HRH1: variants seen among roughly 807,000 people sequenced by gnomAD.
The protein encoded by HRH1 is histamine receptor H1.
In HRH1, 6 loss-of-function variants were observed where a neutral mutation model predicts 10.3. The ratio of observed to expected loss-of-function variants is 0.58; its 90% CI spans 0.32 to 1.15. The LOEUF (loss-of-function observed/expected upper bound fraction) is 1.15, where lower values mean the gene tolerates loss of function less well. Ranked by LOEUF, HRH1 falls within the 50% of genes most tolerant of loss-of-function variation. HRH1 has a pLI of 0.05. For synonymous variants in HRH1, 242 were observed against 236.7 expected (o/e 1.02, Z -0.21); for missense variants, 514 against 615.3 (o/e 0.84, Z 1.74).
chr3:11,175,988 G>C (rs1037235456), intron 1 of HRH1, among the ~76,000 whole-genome samples: 8 of 151,620 alleles, frequency 5.3e-5, no homozygotes, highest in Non-Finnish European at 8.8e-5. Flanking sequence ...GCAAAACCCT[G>C]TCTCTCCAAA....
At chr3:11,182,068 C>T (rs564143203) in intron 1 of HRH1, among the ~76,000 whole-genome samples, 9 of 152,010 alleles carry the variant, frequency 5.9e-5, no homozygotes, top group Admixed American at 3.3e-4. Context: ...CTGCAACCTC[C>T]GCCTCCCTGG....
chr3:11,174,160 G>A (rs1937205615), intron 1 of HRH1, among the ~76,000 whole-genome samples: 1 of 152,204 alleles, frequency 6.6e-6, no homozygotes, highest in South Asian at 2.1e-4. Flanking sequence ...CAATCAATAT[G>A]TACCACATTG....
chr3:11,228,284 C>A (rs981523652), intron 1 of HRH1, among the ~76,000 whole-genome samples: 5 of 151,998 alleles, frequency 3.3e-5, no homozygotes, highest in African/African-American at 1.2e-4. Context: ...TTTAGGAGGC[C>A]AAGGCAGAAT....
At position 11,259,676 on chromosome 3, in the gene HRH1, C is replaced by G. The variant is rs201575633; in HGVS notation, c.639C>G (p.Ile213Met). ...TCATGCTCTGGTTCTATGCCAAGAT[C>G]TACAAGGCCGTACGACAACACTGCC... ...TLLMLWFYAKIYKAVRQHCQH... is the reference protein window; with the variant it reads ...TLLMLWFYAKMYKAVRQHCQH... The change falls in exon 2 of 2, where the codon ATC becomes ATG. Residue 213 changes from isoleucine (I) to methionine (M), a missense_variant. Transcript: ENST00000431010. The surrounding 1 kb of genome is among the most constrained non-coding windows in gnomAD (Gnocchi z 4.6). 7 of 1,614,148 alleles carry G rather than the reference C, an allele frequency of 4.3e-6. No individual in the cohort carries two copies. The Admixed American group carries it at 8.3e-5, about 19-fold the overall frequency.
intron 1 of HRH1, among the ~76,000 whole-genome samples, chr3:11,205,096 G>T (rs1938068231): frequency 1.3e-5 from 2 of 152,218 alleles, no homozygotes; most frequent in Admixed American, 1.3e-4. Flanking sequence ...AATTTCGCCA[G>T]TGACACAGGA....
chr3:11,231,540 T>C (rs1261793568), intron 1 of HRH1, among the ~76,000 whole-genome samples: 1 of 152,262 alleles, frequency 6.6e-6, no homozygotes, highest in East Asian at 1.9e-4. Context: ...CTGATGGCTG[T>C]GCAGTGATAT....
intron 1 of HRH1, among the ~76,000 whole-genome samples, chr3:11,207,530 C>T (rs1360536269): frequency 1.3e-5 from 2 of 152,070 alleles, no homozygotes; most frequent in African/African-American, 4.8e-5. Context: ...GATCATGCCA[C>T]TGCACTCCAG....
rs1471462494 is a variant in HRH1, at chr3:11,261,893, A to G, written c.*1392A>G. 6.0e-6 allele frequency: 1 copy of G among 167,092 alleles called. No individual in the cohort carries two copies. The highest frequency in any genetic ancestry group is 1.5e-5 in the Non-Finnish European group (1 of 68,120). The allele number at this position is 167,092 out of a possible 1,614,324, so 10.4% of individuals were successfully genotyped here. A position where few individuals can be genotyped will look rare whatever the true frequency, so the allele number is the denominator to read the frequency against. ...CCCTCTTAAGTGTGCACAGATACAC[A>G]TACACGGTATTCCCAAGAGTGGTGG... On this transcript the variant is annotated 3_prime_UTR_variant, in exon 2 of 2. Transcript: ENST00000431010.
chr3:11,152,353 A>C (rs562992460), upstream of HRH1, among the ~76,000 whole-genome samples: 1 of 152,064 alleles, frequency 6.6e-6, no homozygotes, highest in Non-Finnish European at 1.5e-5. Flanking sequence ...GTACCTCCTG[A>C]TCTGTCAGTT....
intron 1 of HRH1, among the ~76,000 whole-genome samples, chr3:11,159,203 G>A (rs1936878028): frequency 6.6e-6 from 1 of 152,166 alleles, no homozygotes; most frequent in Non-Finnish European, 1.5e-5. Context: ...AGCTGAGATT[G>A]CACCACTGCA....
chr3:11,260,571 T>C lies in HRH1; in HGVS notation c.*70T>C. 7.0e-7 allele frequency: 1 copy of C among 1,429,938 alleles called. No individual in the cohort carries two copies. The allele number at this position is 1,429,938 out of a possible 1,614,324, so 88.6% of individuals were successfully genotyped here. On this transcript the variant is annotated 3_prime_UTR_variant, in exon 2 of 2. Transcript: ENST00000431010. ...AACAAGGAAATAGAGGACGAAGGCC[T>C]GTGTGTTGCCAGGCAGGCACCTGGG...
upstream of HRH1, among the ~76,000 whole-genome samples, chr3:11,153,103 T>A (rs1936681488): frequency 6.6e-6 from 1 of 152,174 alleles, no homozygotes; most frequent in Admixed American, 6.5e-5. Flanking sequence ...GATGAAGTTA[T>A]AACAGCACCT....
chr3:11,233,522 T>C (rs920596988), intron 1 of HRH1, among the ~76,000 whole-genome samples: 3 of 152,122 alleles, frequency 2.0e-5, no homozygotes, highest in Non-Finnish European at 4.4e-5. Flanking sequence ...GGTCCCCACC[T>C]CTCAAGAACA....
intron 1 of HRH1, among the ~76,000 whole-genome samples, chr3:11,229,728 T>G (rs1357153258): frequency 1.3e-5 from 2 of 152,178 alleles, no homozygotes; most frequent in African/African-American, 4.8e-5. Context: ...TAAATCACAT[T>G]GTTTTATTGT....
intron 1 of HRH1, among the ~76,000 whole-genome samples, chr3:11,172,937 T>G (rs897166486): frequency 6.6e-6 from 1 of 152,092 alleles, no homozygotes; most frequent in Admixed American, 6.5e-5. Flanking sequence ...GATCTTGTGA[T>G]CCACCCGTCT....
chr3:11,233,796 C>A (rs1414345233), intron 1 of HRH1, among the ~76,000 whole-genome samples: 1 of 152,178 alleles, frequency 6.6e-6, no homozygotes, highest in African/African-American at 2.4e-5. Flanking sequence ...GACCATCTGG[C>A]CTCTGCTAGT....
chr3:11,150,390 G>A (rs1936577134), upstream of HRH1, among the ~76,000 whole-genome samples: 1 of 152,394 alleles, frequency 6.6e-6, no homozygotes, highest in Middle Eastern at 3.4e-3. Flanking sequence ...GCGGCTGCAT[G>A]AGAAAGAGCC....
chr3:11,257,865 C>G (rs1374436001), intron 1 of HRH1, among the ~76,000 whole-genome samples: 1 of 152,090 alleles, frequency 6.6e-6, no homozygotes, highest in Non-Finnish European at 1.5e-5. Context: ...GCCCAGGCTG[C>G]AAGTCTTGGC....
upstream of HRH1, among the ~76,000 whole-genome samples, chr3:11,149,950 C>T (rs551181735): frequency 6.6e-6 from 1 of 152,352 alleles, no homozygotes; most frequent in South Asian, 2.1e-4. Context: ...CTGATCTAGC[C>T]TTCACTCACT....
Sources: allele counts gnomAD v4.1 joint callset (sites outside exome capture counted in the v4.1 genomes callset), GRCh38; gene constraint gnomAD v4.1.1; non-coding constraint Gnocchi (gnomAD v3.1); transcripts MANE v1.5; gene names NCBI Gene and HGNC (gene_info 2026-07-23, HGNC 2026-07-21).